The following SLC35G2 variants were observed in gnomAD, a reference collection of about 807,000 sequenced individuals.
SLC35G2 encodes the protein solute carrier family 35 member G2.
Under a neutral mutation model 27.2 loss-of-function variants are expected in SLC35G2, and 20 were observed. The observed-to-expected ratio is 0.74, with a 90% CI of 0.52 to 1.07. SLC35G2 has a LOEUF of 1.07. SLC35G2 is among the 50% of genes least tolerant of loss of function. SLC35G2 has a pLI of 0.00. For missense variants in SLC35G2, 416 were observed against 493.3 expected, an observed-to-expected ratio of 0.84 and a Z score of 1.48; for synonymous variants, 148 against 165.3, an observed-to-expected ratio of 0.90 and a Z score of 0.80.
intron 1 of SLC35G2, among the ~76,000 whole-genome samples, chr3:136,828,199 AG>A (rs1192413762): frequency 2.0e-5 from 3 of 152,244 alleles, no homozygotes; most frequent in African/African-American, 7.2e-5. Context: ...TGTGATGAGA[AG>A]AATATGTATT....
chr3:136,849,906 A>G (rs993926246), intron 1 of SLC35G2, among the ~76,000 whole-genome samples: 4 of 149,586 alleles, frequency 2.7e-5, no homozygotes, highest in Admixed American at 2.7e-4. Context: ...GGGGTTTGAG[A>G]CCAGCCTGAC....
At chr3:136,823,402 C>G (rs999659354) in intron 1 of SLC35G2, among the ~76,000 whole-genome samples, 6 of 152,124 alleles carry the variant, frequency 3.9e-5, no homozygotes, top group African/African-American at 1.4e-4. Context: ...TGTGCAGAAG[C>G]TTTTAAACTT....
chr3:136,849,894 CAG>C (rs896834897), intron 1 of SLC35G2, among the ~76,000 whole-genome samples: 4 of 151,438 alleles, frequency 2.6e-5, no homozygotes, highest in African/African-American at 7.3e-5. Context: ...CACTTGAGGT[CAG>C]GGGTTTGAGA....
intron 1 of SLC35G2, among the ~76,000 whole-genome samples, chr3:136,847,987 AAAAC>A (rs1466522312): frequency 1.2e-4 from 18 of 152,208 alleles, no homozygotes; most frequent in African/African-American, 4.3e-4. Flanking sequence ...AAAACAAACA[AAAAC>A]AAAACAAAAG....
At chr3:136,836,950 C>T (rs547500624) in intron 1 of SLC35G2, among the ~76,000 whole-genome samples, 1 of 152,278 alleles carries the variant, frequency 6.6e-6, no homozygotes, top group East Asian at 1.9e-4. Context: ...GATCAGAAAT[C>T]TGTTCATGTT....
intron 1 of SLC35G2, chr3:136,820,262 C>G (rs753439820): frequency 2.0e-5 from 3 of 152,290 alleles, no homozygotes; most frequent in African/African-American, 4.8e-5. Flanking sequence ...GAGGAGCGAT[C>G]TTCCTCCGCG....
intron 1 of SLC35G2, among the ~76,000 whole-genome samples, chr3:136,840,814 G>A (rs891350742): frequency 2.0e-5 from 3 of 151,754 alleles, no homozygotes; most frequent in Non-Finnish European, 4.4e-5. Flanking sequence ...GTAGAAATGG[G>A]GTTTCACCAT....
intron 1 of SLC35G2, chr3:136,837,834 C>T (rs1006130020): frequency 5.2e-5 from 7 of 135,052 alleles, no homozygotes; most frequent in Non-Finnish European, 7.8e-5. Context: ...GTTCCTGGTA[C>T]AATTAACTCT....
At chr3:136,821,935 A>G (rs1176020731) in intron 1 of SLC35G2, among the ~76,000 whole-genome samples, 1 of 151,854 alleles carries the variant, frequency 6.6e-6, no homozygotes, top group African/African-American at 2.4e-5. Context: ...TATGACTTTG[A>G]CTACTTCATT....
chr3:136,849,693 A>T (rs1937558141), intron 1 of SLC35G2, among the ~76,000 whole-genome samples: 1 of 151,414 alleles, frequency 6.6e-6, no homozygotes, highest in Non-Finnish European at 1.5e-5. Flanking sequence ...AGGTTTTACC[A>T]TGTTGGCCAG....
chr3:136,842,441 C>A (rs1937138674), intron 1 of SLC35G2: 1 of 152,226 alleles, frequency 6.6e-6, no homozygotes, highest in Admixed American at 6.5e-5. Flanking sequence ...CCAGGTGAAT[C>A]CTGGCCAGGC....
At chr3:136,835,832 A>C (rs999098539) in intron 1 of SLC35G2, among the ~76,000 whole-genome samples, 1 of 152,164 alleles carries the variant, frequency 6.6e-6, no homozygotes, top group African/African-American at 2.4e-5. Flanking sequence ...TTGATGCTGA[A>C]AATGCTCCAG....
chr3:136,822,814 A>G (rs949390882), intron 1 of SLC35G2, among the ~76,000 whole-genome samples: 1 of 152,152 alleles, frequency 6.6e-6, no homozygotes, highest in Non-Finnish European at 1.5e-5. Flanking sequence ...ATATCTGTTG[A>G]TGGACACTTA....
intron 1 of SLC35G2, among the ~76,000 whole-genome samples, chr3:136,841,089 A>C (rs1937076084): frequency 6.6e-6 from 1 of 151,588 alleles, no homozygotes; most frequent in African/African-American, 2.4e-5. Flanking sequence ...TCAGCCTCCC[A>C]AAGTGCTGGG....
At chr3:136,838,240 CATATACATATATATATATATAT>C (rs1157079742) in intron 1 of SLC35G2, 1 of 88,882 alleles carries the variant, frequency 1.1e-5, no homozygotes, top group Non-Finnish European at 2.1e-5. Flanking sequence ...TTTGCAGTAG[CATATACATATATATATATATAT>C]ATATATATAT....
At chr3:136,845,057 A>G (rs1173802376) in intron 1 of SLC35G2, among the ~76,000 whole-genome samples, 1 of 152,176 alleles carries the variant, frequency 6.6e-6, no homozygotes, top group Admixed American at 6.5e-5. Context: ...GTAATTTTTA[A>G]TGACATGGAA....
chr3:136,821,959 ATATTAAT>A (rs1303262545), intron 1 of SLC35G2, among the ~76,000 whole-genome samples: 2 of 151,886 alleles, frequency 1.3e-5, no homozygotes, highest in Non-Finnish European at 2.9e-5. Flanking sequence ...ATTTCTATTT[ATATTAAT>A]TTTTAATTTT....
intron 1 of SLC35G2, among the ~76,000 whole-genome samples, chr3:136,823,584 CT>C (rs1447806945): frequency 6.6e-6 from 1 of 151,688 alleles, no homozygotes; most frequent in Non-Finnish European, 1.5e-5. Context: ...TTTGATTTTT[CT>C]TTTTCTTTTT....
chr3:136,834,066 C>T (rs1936802731), intron 1 of SLC35G2, among the ~76,000 whole-genome samples: 1 of 151,672 alleles, frequency 6.6e-6, no homozygotes, highest in Non-Finnish European at 1.5e-5. Flanking sequence ...CTCATTATCA[C>T]CAGATTGCCT....
Sources: gnomAD v4.1 joint callset for allele counts (sites outside exome capture counted in the v4.1 genomes callset) on GRCh38, gnomAD v4.1.1 for gene constraint, MANE v1.5 for transcripts, NCBI Gene and HGNC (gene_info 2026-07-23, HGNC 2026-07-21) for gene names.